SPINT2: variants seen among roughly 807,000 people sequenced by gnomAD.
SPINT2 encodes serine peptidase inhibitor, Kunitz type 2, also known as kunitz-type protease inhibitor 2.
A neutral mutation model predicts 30.1 loss-of-function variants in SPINT2; 18 were observed. That is an observed-to-expected ratio of 0.60 (90% CI 0.41 to 0.89). The LOEUF is 0.89. Among genes scored for constraint, SPINT2 ranks in the 40% least tolerant of loss-of-function variants. The pLI, the probability that SPINT2 is intolerant of heterozygous loss-of-function variation, is 0.00. For synonymous variants in SPINT2, 139 were observed against 137.9 expected (o/e 1.01, Z -0.05); for missense variants, 276 against 334.3 (o/e 0.83, Z 1.36).
chr19:38,283,004 G>C (rs75232928), intron 1 of SPINT2, among the ~76,000 whole-genome samples: 1 of 147,014 alleles, frequency 6.8e-6, no homozygotes, highest in Non-Finnish European at 1.5e-5. Flanking sequence ...GTTTTGTTTT[G>C]TTTTTTTTTT....
chr19:38,284,132 C>G (rs532164682), intron 2 of SPINT2, among the ~76,000 whole-genome samples: 2 of 151,830 alleles, frequency 1.3e-5, no homozygotes, highest in Non-Finnish European at 2.9e-5. Context: ...TGAGCCACTG[C>G]GCCCAGCCCC....
At chr19:38,281,657 G>A (rs967697764) in intron 1 of SPINT2, among the ~76,000 whole-genome samples, 3 of 151,772 alleles carry the variant, frequency 2.0e-5, no homozygotes, top group Non-Finnish European at 2.9e-5. Flanking sequence ...TGCAGTTAGC[G>A]GAGATCACGC....
intron 1 of SPINT2, among the ~76,000 whole-genome samples, chr19:38,279,208 T>C (rs1285149061): frequency 1.6e-5 from 2 of 121,280 alleles, no homozygotes; most frequent in Non-Finnish European, 3.8e-5. Flanking sequence ...AAAAAAAAAT[T>C]TTTTTTTTGG....
Position 38,290,708 on chromosome 19 carries a change from C to T in SPINT2, c.592+133C>T, listed in dbSNP as rs760064064. The T allele has an allele frequency of 1.8e-4, 229 of 1,254,416 alleles. No homozygotes were observed. Among genetic ancestry groups the T allele is most frequent in the Non-Finnish European group, 2.9e-5 (26 of 888,178 alleles). 77.7% of individuals were successfully genotyped at this position (1,254,416 alleles called of 1,614,324 possible). ...ATCTTGGCAGAAAGTCATGTTTCTG[C>T]GTGAGAATGGCGAGGTGGTGGTTTG... is the stretch of plus-strand genomic sequence containing the variant. On this transcript the variant is annotated intron_variant, in intron 6 of 6. Coordinates refer to ENST00000301244, the MANE Select transcript of SPINT2 (RefSeq NM_021102.4). The surrounding 1 kb of genome is among the most constrained non-coding windows in gnomAD (Gnocchi z 4.3).
chr19:38,289,884 G>A (rs950260184), intron 4 of SPINT2: 2 of 583,762 alleles, frequency 3.4e-6, no homozygotes, highest in South Asian at 1.9e-5. Flanking sequence ...CATGTAAAAG[G>A]CCTAGAACAG....
chr19:38,283,840 T>TCC (rs1968610612), intron 2 of SPINT2, 43 bp downstream of exon 2: 2 of 778,428 alleles, frequency 2.6e-6, no homozygotes. Context: ...TTCCTTTTTT[T>TCC]TTTTTTTTTT....
At position 38,264,779 on chromosome 19, in the gene SPINT2, C is replaced by A. The variant is rs1391921394; in HGVS notation, c.-114C>A. ...CACCTGGCGGACCCTCCCGGAGCGT[C>A]GGCACCTGAACGCGAGGCGCTCCAT... On this transcript the variant is annotated 5_prime_UTR_variant, in exon 1 of 7. Coordinates refer to ENST00000301244, the MANE Select transcript of SPINT2 (RefSeq NM_021102.4). The A allele has an allele frequency of 8.7e-7, 1 of 1,152,674 alleles. No homozygotes were observed. Among genetic ancestry groups the A allele is most frequent in the South Asian group, 1.4e-5 (1 of 71,912 alleles). 71.4% of individuals were successfully genotyped at this position (1,152,674 alleles called of 1,614,324 possible).
rs928229129 is a variant in SPINT2, at chr19:38,292,359, T to A, written c.*353T>A. On this transcript the variant is annotated 3_prime_UTR_variant, in exon 7 of 7. Transcript: ENST00000301244. ...TTGTTTGTCTGATTTATGGTTTTTT[T>A]AAGTATAAACAAAAGTTTTTTATTA... The A allele has an allele frequency of 1.4e-4, 25 of 180,082 alleles. No homozygotes were observed. The highest frequency in any genetic ancestry group is 4.7e-4 in the African/African-American group (20 of 42,298). The allele number at this position is 180,082 out of a possible 1,614,324, so 11.2% of individuals were successfully genotyped here.
intron 2 of SPINT2, among the ~76,000 whole-genome samples, chr19:38,284,239 A>T (rs2146275406): frequency 6.6e-6 from 1 of 151,960 alleles, no homozygotes; most frequent in South Asian, 2.1e-4. Flanking sequence ...GACTACAGGC[A>T]CATGCCACCA....
chr19:38,286,123 A>C (rs1968637995), intron 2 of SPINT2, among the ~76,000 whole-genome samples: 1 of 152,146 alleles, frequency 6.6e-6, no homozygotes, highest in African/African-American at 2.4e-5. Context: ...GTGAGTCTGT[A>C]AAGAGCTAAA....
At chr19:38,276,941 C>T (rs1367869716) in intron 1 of SPINT2, among the ~76,000 whole-genome samples, 3 of 151,906 alleles carry the variant, frequency 2.0e-5, no homozygotes, top group Non-Finnish European at 4.4e-5. Context: ...GCTGAGACTA[C>T]AGGCACGTGC....
intron 1 of SPINT2, among the ~76,000 whole-genome samples, chr19:38,268,007 T>C (rs960433895): frequency 3.3e-5 from 5 of 151,750 alleles, no homozygotes; most frequent in Non-Finnish European, 4.4e-5. Flanking sequence ...GTGGCAACAA[T>C]GTTCAGAGGA....
intron 3 of SPINT2, 174 bp from the exon 4 acceptor site, chr19:38,288,964 G>A (rs780032460): frequency 2.0e-5 from 13 of 655,260 alleles, no homozygotes; most frequent in Non-Finnish European, 3.3e-5. Flanking sequence ...CTCAGTGTGT[G>A]CGTAGAGCCC....
Position 38,290,272 on chromosome 19 carries a change from G to A in SPINT2, c.545G>A (p.Arg182His), listed in dbSNP as rs142695577. 97 of 1,611,598 alleles carry A rather than the reference G, an allele frequency of 6.0e-5. No homozygotes were observed. In the African/African-American group the frequency reaches 8.0e-4, roughly 13 times the overall value. The change falls in exon 5 of 7, where the codon CGC (arginine) becomes CAC (histidine). Residue 182 changes from arginine to histidine, a missense_variant. Arg to His is a conservative substitution (Grantham distance 29, BLOSUM62 0). Coordinates refer to ENST00000301244, the MANE Select transcript of SPINT2 (RefSeq NM_021102.4). The surrounding 1 kb of genome is among the most constrained non-coding windows in gnomAD (Gnocchi z 4.3). Reference sequence around the variant, plus strand: ...CGCTCTGAGGAGGCCTGCATGCTCCGCTGCTTCCGTAAGTCTGCAGCCCCT... The same window carrying A: ...CGCTCTGAGGAGGCCTGCATGCTCCACTGCTTCCGTAAGTCTGCAGCCCCT... ...SYRSEEACML[R>H]CFRQQENPPL...
chr19:38,288,346 C>G (rs1416414629), intron 3 of SPINT2: 1 of 345,092 alleles, frequency 2.9e-6, no homozygotes, highest in Non-Finnish European at 5.6e-6. Flanking sequence ...TGTCCCCTGC[C>G]CCGTGGGCAT....
rs138241542 is a variant in SPINT2, at chr19:38,281,639, G to A, written c.107-1988G>A. Among the ~76,000 whole-genome samples, 191 of 152,146 alleles carry A rather than the reference G, an allele frequency of 1.3e-3. 2 individuals carry two copies. In the East Asian group the frequency reaches 0.022, roughly 18 times the overall value. On this transcript the variant is annotated intron_variant, in intron 1 of 6. Coordinates refer to ENST00000301244, the MANE Select transcript of SPINT2 (RefSeq NM_021102.4). ...CAGGAGAACAGCTTGAACCTGGGAG[G>A]TGGAGGTTGCAGTTAGCGGAGATCA...
intron 1 of SPINT2, among the ~76,000 whole-genome samples, chr19:38,281,529 G>A (rs1208832089): frequency 6.6e-6 from 1 of 151,992 alleles, no homozygotes; most frequent in African/African-American, 2.4e-5. Flanking sequence ...GGCCAACATG[G>A]TGACACCCCA....
intron 1 of SPINT2, among the ~76,000 whole-genome samples, chr19:38,270,176 A>C (rs887538818): frequency 6.6e-6 from 1 of 152,088 alleles, no homozygotes; most frequent in South Asian, 2.1e-4. Flanking sequence ...CCTCACCCCC[A>C]TGGATAGTCG....
chr19:38,275,877 A>G (rs1968512134), intron 1 of SPINT2, among the ~76,000 whole-genome samples: 1 of 151,232 alleles, frequency 6.6e-6, no homozygotes, highest in Non-Finnish European at 1.5e-5. Context: ...ACAGGCATGC[A>G]CCACCACGCC....
Sources: gnomAD v4.1 joint callset for allele counts (sites outside exome capture counted in the v4.1 genomes callset) on GRCh38, gnomAD v4.1.1 for gene constraint, Gnocchi (gnomAD v3.1) non-coding constraint, MANE v1.5 for transcripts, NCBI Gene and HGNC (gene_info 2026-07-23, HGNC 2026-07-21) for gene names.